The following RYK variants were observed in gnomAD, a reference collection of about 807,000 sequenced individuals.
RYK encodes the protein inactive tyrosine-protein kinase RYK.
Under a neutral mutation model 70.2 loss-of-function variants are expected in RYK, and 21 were observed. The ratio of observed to expected loss-of-function variants is 0.30; its 90% CI spans 0.21 to 0.43. The LOEUF (loss-of-function observed/expected upper bound fraction) is 0.43. Among genes scored for constraint, RYK ranks in the 20% least tolerant of loss-of-function variants. RYK has a pLI of 1.00. For synonymous variants in RYK, 267 were observed against 278.0 expected (o/e 0.96, Z 0.39); for missense variants, 604 against 753.3 (o/e 0.80, Z 2.32).
At chr3:134,233,002 G>A (rs2015101582) in intron 1 of RYK, among the ~76,000 whole-genome samples, 1 of 152,210 alleles carries the variant, frequency 6.6e-6, no homozygotes, top group Non-Finnish European at 1.5e-5. Flanking sequence ...CTGCTCAAAG[G>A]AGCATTCCCA....
intron 1 of RYK, among the ~76,000 whole-genome samples, chr3:134,241,825 T>C (rs1177204730): frequency 1.3e-5 from 2 of 152,204 alleles, no homozygotes; most frequent in African/African-American, 4.8e-5. Context: ...CTCAGCTTTA[T>C]CTGTTTAAAA....
intron 9 of RYK, among the ~76,000 whole-genome samples, chr3:134,183,939 C>A (rs2013381919): frequency 6.6e-6 from 1 of 152,152 alleles, no homozygotes; most frequent in Non-Finnish European, 1.5e-5. Flanking sequence ...CCTAATATTT[C>A]TTACATATTA....
intron 13 of RYK, among the ~76,000 whole-genome samples, chr3:134,172,276 A>G (rs1273009984): frequency 6.6e-6 from 1 of 152,218 alleles, no homozygotes; most frequent in South Asian, 2.1e-4. Context: ...TTCTACATTT[A>G]AAAATGTTTA....
chr3:134,180,191 C>G (rs1255638650), intron 10 of RYK: 1 of 152,098 alleles, frequency 6.6e-6, no homozygotes, highest in Non-Finnish European at 1.5e-5. Flanking sequence ...CATCAGGCAT[C>G]TTTGGGCCAA....
chr3:134,231,423 A>G (rs978753052), intron 1 of RYK, among the ~76,000 whole-genome samples: 2 of 152,196 alleles, frequency 1.3e-5, no homozygotes, highest in Admixed American at 1.3e-4. Context: ...AACAGAAACC[A>G]TGCCTCCTAA....
chr3:134,219,250 C>G (rs2014657981), intron 2 of RYK, among the ~76,000 whole-genome samples: 1 of 152,204 alleles, frequency 6.6e-6, no homozygotes, highest in South Asian at 2.1e-4. Context: ...CCAACTTCCC[C>G]CTGTAACAGG....
At chr3:134,174,488 T>C (rs1414441829) in intron 13 of RYK, among the ~76,000 whole-genome samples, 1 of 152,198 alleles carries the variant, frequency 6.6e-6, no homozygotes, top group Non-Finnish European at 1.5e-5. Context: ...AATACAATGA[T>C]ACAGTAAGCC....
chr3:134,157,550 T>C lies in RYK; in HGVS notation c.*603A>G, dbSNP rs1414967551. The C allele has an allele frequency of 2.0e-5, 3 of 152,250 alleles. No homozygotes were observed. The highest frequency in any genetic ancestry group is 1.3e-4 in the Admixed American group (2 of 15,288). The allele number at this position is 152,250 out of a possible 1,614,324, so 9.4% of individuals were successfully genotyped here. On this transcript the variant is annotated 3_prime_UTR_variant, in exon 15 of 15. Transcript: ENST00000623711. ...AAACAGTTTTCCATGCAAGGGCAGTTTGCTTCTAATAAGTATTTTTAAAAA... is the reference window on the plus strand; with the variant it reads ...AAACAGTTTTCCATGCAAGGGCAGTCTGCTTCTAATAAGTATTTTTAAAAA...
intron 9 of RYK, among the ~76,000 whole-genome samples, chr3:134,187,311 A>G (rs2013496562): frequency 6.6e-6 from 1 of 152,218 alleles, no homozygotes; most frequent in Non-Finnish European, 1.5e-5. Flanking sequence ...TCCTTTAAGT[A>G]AATTTAGAAA....
chr3:134,184,826 T>C (rs973744208), intron 9 of RYK, among the ~76,000 whole-genome samples: 23 of 152,014 alleles, frequency 1.5e-4, no homozygotes, highest in African/African-American at 5.6e-4. Context: ...AGTTTTTAAA[T>C]GTTAAAACAA....
intron 3 of RYK, 135 bp from the exon 4 acceptor site, chr3:134,209,964 GTAAC>G: frequency 1.5e-6 from 1 of 689,100 alleles, no homozygotes; most frequent in Non-Finnish European, 2.3e-6. Context: ...TTTAAATAAA[GTAAC>G]TAAACAAAAG....
intron 13 of RYK, among the ~76,000 whole-genome samples, chr3:134,166,062 A>C (rs1185103746): frequency 6.6e-6 from 1 of 152,218 alleles, no homozygotes; most frequent in African/African-American, 2.4e-5. Context: ...GAATGACATA[A>C]ATTTTGGAAG....
intron 7 of RYK, among the ~76,000 whole-genome samples, chr3:134,194,163 G>C (rs2013738482): frequency 6.6e-6 from 1 of 152,116 alleles, no homozygotes; most frequent in Non-Finnish European, 1.5e-5. Flanking sequence ...CATCTGTAAA[G>C]AAAAATTTTC....
intron 1 of RYK, among the ~76,000 whole-genome samples, chr3:134,239,628 A>AT (rs1265537018): frequency 6.6e-6 from 1 of 152,192 alleles, no homozygotes; most frequent in African/African-American, 2.4e-5. Flanking sequence ...AGGATAGTGA[A>AT]TTTTTTTGTA....
At chr3:134,219,355 G>A (rs779219716) in intron 2 of RYK, among the ~76,000 whole-genome samples, 6 of 152,158 alleles carry the variant, frequency 3.9e-5, no homozygotes, top group Non-Finnish European at 7.3e-5. Flanking sequence ...AAAGGAATCA[G>A]TAAAAGAAGG....
chr3:134,227,302 A>AC (rs1482635552), intron 1 of RYK, among the ~76,000 whole-genome samples: 3 of 152,198 alleles, frequency 2.0e-5, no homozygotes, highest in Non-Finnish European at 1.5e-5. Flanking sequence ...GACATACTGT[A>AC]CCATTCTCCT....
At chr3:134,187,393 C>T (rs958843450) in intron 9 of RYK, among the ~76,000 whole-genome samples, 13 of 152,144 alleles carry the variant, frequency 8.5e-5, no homozygotes, top group African/African-American at 3.1e-4. Flanking sequence ...TGAATTTAAT[C>T]TTCCCTTCAG....
rs1247342885 is a variant in RYK, at chr3:134,157,280, A to G, written c.*873T>C. The stretch of plus-strand genomic sequence containing the variant: ...CAACTCAAGCACCCGCTCTGTGCAT[A>G]GCACTATTCTAGGTGCAATAAAAGG... On this transcript the variant is annotated 3_prime_UTR_variant, in exon 15 of 15. Transcript: ENST00000623711. 1 of 152,600 alleles carries G rather than the reference A, an allele frequency of 6.6e-6. No homozygotes were observed. Among genetic ancestry groups the G allele is most frequent in the African/African-American group, 2.4e-5 (1 of 41,480 alleles). 9.5% of individuals were successfully genotyped at this position (152,600 alleles called of 1,614,324 possible). A position where few individuals can be genotyped will look rare whatever the true frequency, so the allele number is the denominator to read the frequency against.
Position 134,250,558 on chromosome 3 carries a change from G to A in RYK, c.97C>T (p.Leu33Phe), listed in dbSNP as rs2015589940. The A allele has an allele frequency of 1.8e-6, 2 of 1,095,074 alleles. No homozygotes were observed. Among genetic ancestry groups the A allele is most frequent in the South Asian group, 4.5e-5 (1 of 22,410 alleles). The allele number at this position is 1,095,074 out of a possible 1,614,324, so 67.8% of individuals were successfully genotyped here. Residue 33 changes from leucine to phenylalanine, a missense_variant, in exon 1 of 15, where the codon CTT (leucine) becomes TTT (phenylalanine). By Grantham distance (22) the Leu-to-Phe change is conservative. Around this residue, in one of 2 missense-constraint regions of RYK, gnomAD observed 466 missense variants for 535.9 expected, o/e 0.87. Coordinates refer to ENST00000623711, the MANE Select transcript of RYK (RefSeq NM_002958.4). The part of the protein sequence containing the change: ...APPPPPLLLL[L>F]ALLPLLPAPG... ...GCGGGCAGCAGCGGCAACAGCGCAA[G>A]CAGAAGCAGCAGCGGCGGCGGCGGC...
Sources: allele counts gnomAD v4.1 joint callset (sites outside exome capture counted in the v4.1 genomes callset), GRCh38; gene constraint gnomAD v4.1.1; regional missense constraint gnomAD v4.1.1; transcripts MANE v1.5; gene names NCBI Gene and HGNC (gene_info 2026-07-23, HGNC 2026-07-21).